The following DIP2C variants were observed in gnomAD, a reference collection of about 807,000 sequenced individuals.
The protein encoded by DIP2C is disco-interacting protein 2 homolog C.
In DIP2C, 33 loss-of-function variants were observed where a neutral mutation model predicts 192.4. That is an observed-to-expected ratio of 0.17 (90% confidence interval 0.13 to 0.23). The LOEUF is 0.23. Ranked by LOEUF, DIP2C falls within the 10% of genes least tolerant of loss-of-function variation. The pLI, the probability that DIP2C is intolerant of heterozygous loss-of-function variation, is 1.00. For synonymous variants in DIP2C, 979 were observed against 864.1 expected (o/e 1.13, Z -2.33); for missense variants, 1,537 against 2,110.1 (o/e 0.73, Z 5.32).
intron 2 of DIP2C, among the ~76,000 whole-genome samples, chr10:482,133 C>T (rs781484185): frequency 2.0e-4 from 31 of 152,190 alleles, no homozygotes; most frequent in Admixed American, 2.0e-4. Flanking sequence ...CACCTGGACA[C>T]GGCCAAGTGC....
chr10:312,815 G>T (rs1049958240), intron 31 of DIP2C, among the ~76,000 whole-genome samples: 1 of 152,160 alleles, frequency 6.6e-6, no homozygotes, highest in African/African-American at 2.4e-5. Flanking sequence ...TGAATGCAAT[G>T]ATTTAAATAA....
intron 1 of DIP2C, among the ~76,000 whole-genome samples, chr10:592,208 C>T (rs1051243412): frequency 2.6e-5 from 4 of 152,130 alleles, no homozygotes; most frequent in African/African-American, 9.7e-5. Flanking sequence ...TCGGAGGACC[C>T]ATTCAGATGA....
At chr10:606,254 C>T (rs1452682551) in intron 1 of DIP2C, among the ~76,000 whole-genome samples, 1 of 152,204 alleles carries the variant, frequency 6.6e-6, no homozygotes, top group Non-Finnish European at 1.5e-5. Context: ...CCCAGAGGAC[C>T]ACTGAGGCCC....
intron 1 of DIP2C, among the ~76,000 whole-genome samples, chr10:580,416 T>C (rs1028576355): frequency 9.9e-5 from 15 of 152,238 alleles, no homozygotes; most frequent in Admixed American, 9.2e-4. Flanking sequence ...ATATGGTGTA[T>C]GTACACAGGT....
chr10:554,176 A>G (rs578261127), intron 1 of DIP2C, among the ~76,000 whole-genome samples: 1 of 152,264 alleles, frequency 6.6e-6, no homozygotes, highest in Non-Finnish European at 1.5e-5. Context: ...TGAACAAGCA[A>G]GAAATATACA....
rs185103810 is a variant in DIP2C at position 438,898 on chromosome 10, G to A, written c.394+1973C>T. Among the ~76,000 whole-genome samples, 27 of 152,068 alleles carry A rather than the reference G, an allele frequency of 1.8e-4. No individual in the cohort carries two copies. In the East Asian group the frequency reaches 5.0e-3, roughly 28 times the overall value. On this transcript the variant is annotated intron_variant, in intron 4 of 36. Coordinates refer to ENST00000280886, the MANE Select transcript of DIP2C (RefSeq NM_014974.3). ...GTGCAGTGGTGCCATCTCAGCTCAC[G>A]GCAACCTCTGCCTCCCAGGCTCAAG...
chr10:517,772 C>CCT (rs1846450992), intron 1 of DIP2C, among the ~76,000 whole-genome samples: 1 of 152,128 alleles, frequency 6.6e-6, no homozygotes, highest in Non-Finnish European at 1.5e-5. Flanking sequence ...CTCAAGCCAC[C>CCT]CTCTCTGTGA....
At chr10:603,140 C>T (rs899806168) in intron 1 of DIP2C, among the ~76,000 whole-genome samples, 6 of 151,732 alleles carry the variant, frequency 4.0e-5, no homozygotes, top group African/African-American at 1.2e-4. Flanking sequence ...ATAAAGTCTG[C>T]AGAGTTTTCA....
intron 1 of DIP2C, among the ~76,000 whole-genome samples, chr10:656,545 A>G (rs977444523): frequency 6.6e-6 from 1 of 152,232 alleles, no homozygotes; most frequent in Non-Finnish European, 1.5e-5. Flanking sequence ...CATGATAATC[A>G]ATGCCGTTTC....
intron 1 of DIP2C, 108 bp from the exon 2 acceptor site, chr10:486,638 T>C (rs1464606739): frequency 9.9e-6 from 9 of 906,820 alleles, no homozygotes; most frequent in Non-Finnish European, 1.1e-5. Context: ...GTGTGCCTCA[T>C]TGTTAGAATT....
In DIP2C at chr10:362,638, T is replaced by C. The variant is rs771167065; in HGVS notation, c.2646A>G (p.Ala882=). ...CAAGCGGGGTTTTGGGGAGGGTGTT[T>C]GCTGGCACCAAGGCCAGGCAATAAA... The part of the protein sequence containing the change: ...VGVYCLALVP[A]NTLPKTPLGG... The change falls in exon 22 of 37, where the codon GCA becomes GCG. Residue 882 remains alanine, a synonymous_variant. Transcript: ENST00000280886. 9 of 1,614,086 alleles carry C rather than the reference T, an allele frequency of 5.6e-6. No homozygotes were observed. The highest frequency in any genetic ancestry group is 7.6e-6 in the Non-Finnish European group (9 of 1,180,000).
At chr10:335,076 G>A (rs1288696793) in intron 29 of DIP2C, among the ~76,000 whole-genome samples, 1 of 152,114 alleles carries the variant, frequency 6.6e-6, no homozygotes, top group East Asian at 1.9e-4. Flanking sequence ...CATGAATACA[G>A]GCTATCTGAC....
intron 1 of DIP2C, chr10:650,377 C>A (rs1411943671): frequency 1.4e-6 from 1 of 716,864 alleles, no homozygotes; most frequent in African/African-American, 1.7e-5. Context: ...ATAACGCCAG[C>A]CCACGGCAGC....
intron 2 of DIP2C, among the ~76,000 whole-genome samples, chr10:480,968 G>A (rs1158707073): frequency 6.6e-6 from 1 of 152,196 alleles, no homozygotes; most frequent in Non-Finnish European, 1.5e-5. Flanking sequence ...CCCTTACCCT[G>A]TGAGCTGCCA....
intron 29 of DIP2C, among the ~76,000 whole-genome samples, chr10:337,130 C>CTGTG (rs138944577): frequency 0.14 from 11,634 of 82,882 alleles, 1,777 homozygotes; most frequent in African/African-American, 0.21. Flanking sequence ...GCCTAGGCAG[C>CTGTG]TGTGTGTGTG....
intron 32 of DIP2C, among the ~76,000 whole-genome samples, chr10:299,029 G>C (rs747661624): frequency 6.6e-6 from 1 of 152,200 alleles, no homozygotes; most frequent in Non-Finnish European, 1.5e-5. Flanking sequence ...CAAAATGATA[G>C]TAAGCTTGCA....
intron 32 of DIP2C, among the ~76,000 whole-genome samples, chr10:289,922 A>G (rs1222022721): frequency 6.6e-6 from 1 of 152,172 alleles, no homozygotes; most frequent in African/African-American, 2.4e-5. Context: ...AGCCAGGGGC[A>G]CCATCTCCTC....
chr10:277,709 C>T (rs768632686), intron 36 of DIP2C, 132 bp from the exon 37 acceptor site: 46 of 1,238,558 alleles, frequency 3.7e-5, no homozygotes, highest in South Asian at 6.2e-5. Context: ...GGCCTCTCCA[C>T]GTCCTCCGTC....
At chr10:329,829 C>T (rs1026327771) in intron 29 of DIP2C, among the ~76,000 whole-genome samples, 1 of 152,200 alleles carries the variant, frequency 6.6e-6, no homozygotes, top group Admixed American at 6.5e-5. Context: ...CAGTTCCTAC[C>T]ACTTTGAACA....
Sources: gnomAD v4.1 joint callset for allele counts (sites outside exome capture counted in the v4.1 genomes callset) on GRCh38, gnomAD v4.1.1 for gene constraint, MANE v1.5 for transcripts, NCBI Gene and HGNC (gene_info 2026-07-23, HGNC 2026-07-21) for gene names.